Variants in PAH observed in about 807,000 individuals in gnomAD.
The protein encoded by PAH is phenylalanine-4-hydroxylase.
Under a neutral mutation model 62.0 loss-of-function variants are expected in PAH, and 64 were observed. That is an observed-to-expected ratio of 1.03 (90% CI 0.84 to 1.27). PAH has a LOEUF of 1.27. PAH is among the 50% of genes most tolerant of loss of function. PAH has a pLI of 0.00. For missense variants in PAH, 579 were observed against 542.8 expected (o/e 1.07, Z -0.66); for synonymous variants, 195 against 196.2 (o/e 0.99, Z 0.05).
chr12:102,876,709 G>T (rs140798838), intron 4 of PAH, among the ~76,000 whole-genome samples: 15 of 152,228 alleles, frequency 9.9e-5, no homozygotes, highest in Admixed American at 8.5e-4. Context: ...CTGAGCCACC[G>T]CAGCCTGGGC....
intron 3 of PAH, among the ~76,000 whole-genome samples, chr12:102,883,919 A>ATAGGGTTGATGGGAG (rs1876924768): frequency 6.6e-6 from 1 of 152,238 alleles, no homozygotes; most frequent in African/African-American, 2.4e-5. Flanking sequence ...TACTAATAGT[A>ATAGGGTTGATGGGAG]CGTCCTTCAG....
At chr12:102,885,426 A>G (rs901159219) in intron 3 of PAH, among the ~76,000 whole-genome samples, 5 of 152,148 alleles carry the variant, frequency 3.3e-5, no homozygotes, top group African/African-American at 1.2e-4. Flanking sequence ...TGAGCCCCTT[A>G]ACAGCCTCTC....
At position 102,917,180 on chromosome 12, in the gene PAH, G is replaced by C. The variant is rs772360697; in HGVS notation, c.-50C>G. The C allele has an allele frequency of 6.4e-7, 1 of 1,572,492 alleles. No individual in the cohort carries two copies. The highest frequency in any genetic ancestry group is 2.2e-5 in the East Asian group (1 of 44,654). ...CTGGCTTTTTAGGGCCTCAGGTACA[G>C]GCAGGTTTGCAAACAGCACGTGGGG... On this transcript the variant is annotated 5_prime_UTR_variant, in exon 1 of 13. Coordinates refer to ENST00000553106, the MANE Select transcript of PAH (RefSeq NM_000277.3).
rs1874467682 is a variant in PAH, at chr12:102,838,846, C to T, written c.*329G>A. 2.6e-6 allele frequency: 1 copy of T among 378,714 alleles called. No individual in the cohort carries two copies. The highest frequency in any genetic ancestry group is 4.1e-5 in the Admixed American group (1 of 24,370). 23.5% of individuals were successfully genotyped at this position (378,714 alleles called of 1,614,324 possible). On this transcript the variant is annotated 3_prime_UTR_variant, in exon 13 of 13. Transcript: ENST00000553106. ...GCTCCTTTATGAGTTCTCTGCAAAGCATATATGAAGCTTGAATGAAGCAGG... is the reference window on the plus strand; with the variant it reads ...GCTCCTTTATGAGTTCTCTGCAAAGTATATATGAAGCTTGAATGAAGCAGG...
chr12:102,895,792 T>C (rs539731234), intron 2 of PAH, among the ~76,000 whole-genome samples: 7 of 149,250 alleles, frequency 4.7e-5, no homozygotes, highest in Non-Finnish European at 1.0e-4. Flanking sequence ...GAGGTGGAAG[T>C]TGCAGTGAGC....
chr12:102,879,722 C>T (rs941409229), intron 3 of PAH, among the ~76,000 whole-genome samples: 2 of 152,090 alleles, frequency 1.3e-5, no homozygotes, highest in Non-Finnish European at 2.9e-5. Flanking sequence ...GATTCAAATG[C>T]AGGTCCAGCT....
chr12:102,949,591 C>T (rs1025323040), intron 1 of PAH, among the ~76,000 whole-genome samples: 1 of 152,170 alleles, frequency 6.6e-6, no homozygotes, highest in African/African-American at 2.4e-5. Flanking sequence ...TTTCATTGCA[C>T]CTAACAGTAA....
intron 9 of PAH, among the ~76,000 whole-genome samples, chr12:102,846,040 C>T (rs892439748): frequency 2.3e-4 from 35 of 152,072 alleles, no homozygotes; most frequent in African/African-American, 8.2e-4. Context: ...TTTAAAAACC[C>T]ATGTTCACAA....
intron 1 of PAH, among the ~76,000 whole-genome samples, chr12:102,935,990 T>A (rs1879087867): frequency 6.6e-6 from 1 of 151,876 alleles, no homozygotes; most frequent in African/African-American, 2.4e-5. Context: ...TTTATTTGAA[T>A]TTTTTTAATT....
intron 2 of PAH, among the ~76,000 whole-genome samples, chr12:102,897,463 GTGTATA>G (rs1199339644): frequency 5.7e-5 from 6 of 105,582 alleles, no homozygotes; most frequent in East Asian, 5.8e-4. Flanking sequence ...GTGTGTGTGT[GTGTATA>G]TATATATATA....
chr12:102,851,613 T>A (rs1482838130), intron 8 of PAH, 74 bp downstream of exon 8: 7 of 1,252,392 alleles, frequency 5.6e-6, no homozygotes, highest in Admixed American at 3.4e-5. Flanking sequence ...TGAGGACCCC[T>A]CCCTGGGCTC....
intron 1 of PAH, among the ~76,000 whole-genome samples, chr12:102,941,794 T>C (rs1015497768): frequency 3.9e-5 from 6 of 152,160 alleles, no homozygotes; most frequent in African/African-American, 1.4e-4. Flanking sequence ...TCAATAAATG[T>C]GATTTATCAC....
chr12:102,874,084 A>G (rs1876467535), intron 4 of PAH, among the ~76,000 whole-genome samples: 1 of 152,238 alleles, frequency 6.6e-6, no homozygotes, highest in Admixed American at 6.5e-5. Context: ...TCTCTGAGAT[A>G]GTAACAGTGT....
chr12:102,849,944 C>T (rs1334292008), intron 8 of PAH, among the ~76,000 whole-genome samples: 2 of 152,224 alleles, frequency 1.3e-5, no homozygotes, highest in Non-Finnish European at 2.9e-5. Context: ...ACACTGATGC[C>T]CCAAGAGCTC....
chr12:102,925,697 C>T (rs1878665819), intron 1 of PAH, among the ~76,000 whole-genome samples: 2 of 152,050 alleles, frequency 1.3e-5, no homozygotes, highest in African/African-American at 4.8e-5. Flanking sequence ...CTAACTTTTC[C>T]CTCACAGACA....
At chr12:102,865,324 A>C (rs889558335) in intron 5 of PAH, among the ~76,000 whole-genome samples, 8 of 152,144 alleles carry the variant, frequency 5.3e-5, no homozygotes, top group Non-Finnish European at 8.8e-5. Context: ...AGTGGCTAAA[A>C]ATACCCTTAG....
intron 12 of PAH, among the ~76,000 whole-genome samples, chr12:102,839,422 T>C (rs1164561768): frequency 6.6e-6 from 1 of 152,252 alleles, no homozygotes; most frequent in East Asian, 1.9e-4. Flanking sequence ...GTAATCAGCA[T>C]CCCTTTTCCA....
intron 4 of PAH, 77 bp downstream of exon 4, chr12:102,877,385 G>C: frequency 9.9e-7 from 1 of 1,008,396 alleles, no homozygotes; most frequent in South Asian, 1.3e-5. Context: ...ATTGCTCCAA[G>C]TAGAGAAGGT....
intron 4 of PAH, among the ~76,000 whole-genome samples, chr12:102,868,290 C>A (rs1403079272): frequency 6.7e-6 from 1 of 150,186 alleles, no homozygotes; most frequent in Non-Finnish European, 1.5e-5. Context: ...TTGATTCTGG[C>A]ACACAGGAAA....
Sources: allele counts gnomAD v4.1 joint callset (sites outside exome capture counted in the v4.1 genomes callset), GRCh38; gene constraint gnomAD v4.1.1; transcripts MANE v1.5; gene names NCBI Gene and HGNC (gene_info 2026-07-23, HGNC 2026-07-21).